INTS14: variants seen among roughly 807,000 people sequenced by gnomAD.
INTS14 encodes the protein UPF0464 protein C15orf44.
INTS14 carries 27 observed loss-of-function variants against 56.9 expected under a neutral mutation model. That is an observed-to-expected ratio of 0.47 (90% CI 0.35 to 0.65). The LOEUF is 0.65. Ranked by LOEUF, INTS14 falls within the 30% of genes least tolerant of loss-of-function variation. INTS14 has a pLI of 0.00. For missense variants in INTS14, 517 were observed against 632.2 expected (o/e 0.82, Z 1.95); for synonymous variants, 207 against 236.2 (o/e 0.88, Z 1.13).
In INTS14 at chr15:65,607,220, A is replaced by G; in HGVS notation, c.161T>C (p.Val54Ala). Residue 54 changes from valine (V) to alanine (A), a missense_variant, in exon 2 of 12, where the codon GTG becomes GCG. Val to Ala is a moderately conservative substitution (Grantham distance 64, BLOSUM62 0). Transcript: ENST00000313182. ...CAACTCCCAAAGTGATGAAAAAACCACAAGTGCTGTAAATTCAAGCTTGTA... is the reference window on the plus strand; with the variant it reads ...CAACTCCCAAAGTGATGAAAAAACCGCAAGTGCTGTAAATTCAAGCTTGTA... ...TNYKLEFTAL[V>A]VFSSLWELMV... 1.9e-6 allele frequency: 3 copies of G among 1,614,246 alleles called. No individual in the cohort carries two copies. The highest frequency in any genetic ancestry group is 2.5e-6 in the Non-Finnish European group (3 of 1,180,046).
intron 10 of INTS14, among the ~76,000 whole-genome samples, chr15:65,582,738 A>T (rs758134818): frequency 1.3e-5 from 2 of 152,236 alleles, no homozygotes; most frequent in Non-Finnish European, 2.9e-5. Context: ...TGTGTATCAA[A>T]GGACACTATA....
chr15:65,583,582 T>C (rs143240786), intron 10 of INTS14, among the ~76,000 whole-genome samples: 58 of 152,274 alleles, frequency 3.8e-4, no homozygotes, highest in Middle Eastern at 3.4e-3. Flanking sequence ...TTTGGAGTGA[T>C]TAAAATGTTC....
intron 1 of INTS14, among the ~76,000 whole-genome samples, chr15:65,609,865 T>A (rs933166195): frequency 2.6e-5 from 4 of 152,098 alleles, no homozygotes; most frequent in Admixed American, 2.6e-4. Context: ...AAATCTGCTG[T>A]TGACAGTGAT....
In INTS14 at chr15:65,582,616, C is replaced by T. The variant is rs1022490941; in HGVS notation, c.1240-597G>A. ...AGAGAAGAAGAAAAAGAAAACACAG[C>T]GGGTAAATCTTTATGACTTTGGATT... is the stretch of plus-strand genomic sequence containing the variant. On this transcript the variant is annotated intron_variant, in intron 10 of 11. Coordinates refer to ENST00000313182, the MANE Select transcript of INTS14 (RefSeq NM_001394796.1). Among the ~76,000 whole-genome samples, 8 of 152,174 alleles carry T rather than the reference C, an allele frequency of 5.3e-5. No homozygotes were observed. In the Middle Eastern group the frequency reaches 0.017, roughly 323 times the overall value.
At chr15:65,592,995 C>T (rs1477998098) in intron 8 of INTS14, among the ~76,000 whole-genome samples, 1 of 151,978 alleles carries the variant, frequency 6.6e-6, no homozygotes, top group Non-Finnish European at 1.5e-5. Flanking sequence ...TGGCTCAATG[C>T]CCGTAATCCC....
chr15:65,598,002 C>G (rs2073275142), intron 6 of INTS14, among the ~76,000 whole-genome samples: 1 of 152,140 alleles, frequency 6.6e-6, no homozygotes, highest in Admixed American at 6.6e-5. Flanking sequence ...AATCTGAAAT[C>G]CGAAATGCTC....
chr15:65,579,887 C>A (rs927293080), intron 11 of INTS14, among the ~76,000 whole-genome samples: 2 of 152,166 alleles, frequency 1.3e-5, no homozygotes, highest in African/African-American at 4.8e-5. Context: ...CTGAATGAAA[C>A]AACGTCATCA....
In INTS14 at chr15:65,579,353, A is replaced by G. The variant is rs1048872262; in HGVS notation, c.*55T>C. The G allele has an allele frequency of 4.4e-6, 7 of 1,582,628 alleles. No homozygotes were observed. Among genetic ancestry groups the G allele is most frequent in the Non-Finnish European group, 6.0e-6 (7 of 1,161,088 alleles). On this transcript the variant is annotated 3_prime_UTR_variant, in exon 12 of 12. Transcript: ENST00000313182. ...AGGTGAACATACTGGAAAGGTTTTT[A>G]CCTAAAGCATTTTCAGTTGAAATGA...
At chr15:65,610,982 C>T (rs1566937275) in intron 1 of INTS14, 116 bp downstream of exon 1, 1 of 1,492,984 alleles carries the variant, frequency 6.7e-7, no homozygotes, top group African/African-American at 1.4e-5. Flanking sequence ...GGGCGGCCGC[C>T]ACGGTGGCGG....
chr15:65,587,844 T>A (rs1326390118), intron 9 of INTS14, among the ~76,000 whole-genome samples: 1 of 151,944 alleles, frequency 6.6e-6, no homozygotes, highest in Non-Finnish European at 1.5e-5. Context: ...TAGCCAGGCA[T>A]GGTGGCATGC....
chr15:65,593,645 G>T, intron 7 of INTS14, 73 bp from the exon 8 acceptor site: 1 of 1,533,902 alleles, frequency 6.5e-7, no homozygotes, highest in Non-Finnish European at 8.8e-7. Flanking sequence ...TATACTCTTG[G>T]ATGTTTCTAG....
At chr15:65,610,936 G>A in intron 1 of INTS14, 162 bp downstream of exon 1, 1 of 1,465,960 alleles carries the variant, frequency 6.8e-7, no homozygotes, top group Non-Finnish European at 9.0e-7. Flanking sequence ...GAGGCCGGGA[G>A]CAGCGCCCCG....
At chr15:65,599,354 C>T (rs1297270020) in intron 4 of INTS14, 1 of 190,068 alleles carries the variant, frequency 5.3e-6, no homozygotes, top group African/African-American at 2.3e-5. Flanking sequence ...GTTAAATCAC[C>T]TTCCCAAATG....
At chr15:65,586,151 G>T (rs944384977) in intron 9 of INTS14, among the ~76,000 whole-genome samples, 4 of 152,152 alleles carry the variant, frequency 2.6e-5, no homozygotes, top group Non-Finnish European at 5.9e-5. Flanking sequence ...GCCAGGAATT[G>T]TGCCTAGAGA....
At position 65,591,751 on chromosome 15, in the gene INTS14, A is replaced by C. The variant is rs2073041812; in HGVS notation, c.987-20T>G. Reference sequence around the variant, plus strand: ...TCAGGACTAGATGGAGAGAAGACGGAAGATCAGAAGAACATCAAGCCTGAG... The same window carrying C: ...TCAGGACTAGATGGAGAGAAGACGGCAGATCAGAAGAACATCAAGCCTGAG... On this transcript the variant is annotated intron_variant, in intron 8 of 11. Transcript: ENST00000313182. 2 of 1,612,600 alleles carry C rather than the reference A, an allele frequency of 1.2e-6. No homozygotes were observed. Among genetic ancestry groups the C allele is most frequent in the Admixed American group, 3.3e-5 (2 of 59,744 alleles).
At chr15:65,606,829 G>C (rs1242733090) in intron 2 of INTS14, among the ~76,000 whole-genome samples, 2 of 152,118 alleles carry the variant, frequency 1.3e-5, no homozygotes, top group African/African-American at 4.8e-5. Context: ...TTATGGGAGA[G>C]TAGAAAAAAA....
At chr15:65,603,408 C>T (rs574697207) in intron 3 of INTS14, among the ~76,000 whole-genome samples, 107 of 152,208 alleles carry the variant, frequency 7.0e-4, no homozygotes, top group African/African-American at 2.5e-3. Flanking sequence ...AAGAATAGTC[C>T]CAACACGTCC....
chr15:65,607,592 T>G, intron 1 of INTS14, 150 bp from the exon 2 acceptor site: 2 of 880,840 alleles, frequency 2.3e-6, no homozygotes, highest in Non-Finnish European at 3.4e-6. Context: ...GAGAGGGAAG[T>G]GAGCAGCTTA....
Position 65,591,619 on chromosome 15 carries a change from C to T in INTS14, c.1099G>A (p.Ala367Thr), listed in dbSNP as rs369418631. 3.3e-5 allele frequency: 53 copies of T among 1,613,844 alleles called. No homozygotes were observed. In the Middle Eastern group the frequency reaches 9.9e-4, roughly 30 times the overall value. ...ATACCTGAAATAGGACCCAACTGTGCCATTTTCCCTAGCCATGGGAGAGGT... is the reference window on the plus strand; with the variant it reads ...ATACCTGAAATAGGACCCAACTGTGTCATTTTCCCTAGCCATGGGAGAGGT... Reference protein sequence around the residue: ...PEPLPWLGKMAQLGPISDAKE... With the variant: ...PEPLPWLGKMTQLGPISDAKE... Residue 367 changes from alanine (A) to threonine (T), a missense_variant, in exon 9 of 12, where the codon GCA (alanine) becomes ACA (threonine). By Grantham distance (58) the Ala-to-Thr change is moderately conservative (BLOSUM62 0). Coordinates refer to ENST00000313182, the MANE Select transcript of INTS14 (RefSeq NM_001394796.1).
Sources: allele counts gnomAD v4.1 joint callset (sites outside exome capture counted in the v4.1 genomes callset), GRCh38; gene constraint gnomAD v4.1.1; transcripts MANE v1.5; gene names NCBI Gene and HGNC (gene_info 2026-07-23, HGNC 2026-07-21).